The following CAST variants were observed in gnomAD, a reference collection of about 807,000 sequenced individuals.
CAST encodes the protein MIR583 host.
In CAST, 76 loss-of-function variants were observed where a neutral mutation model predicts 119.6. The observed-to-expected ratio is 0.64, with a 90% confidence interval of 0.53 to 0.77. The LOEUF is 0.77. Among genes scored for constraint, CAST ranks in the 30% least tolerant of loss-of-function variants. The probability of loss-of-function intolerance (pLI) is 0.00; values close to 1 mark genes in which losing one functional copy is unlikely to be tolerated. For missense variants in CAST, 953 were observed against 946.5 expected (o/e 1.01, Z -0.09); for synonymous variants, 319 against 331.6 (o/e 0.96, Z 0.41).
At chr5:96,147,109 GGAAA>G in the CAST span, among the ~76,000 whole-genome samples, 6 of 152,228 alleles carry the variant, frequency 3.9e-5, no homozygotes, top group South Asian at 1.2e-3. Context: ...AGCTGGAAGT[GGAAA>G]GAGTTTCATG....
At chr5:96,285,063 AAT>A in the CAST span, among the ~76,000 whole-genome samples, 2 of 152,236 alleles carry the variant, frequency 1.3e-5, no homozygotes, top group Admixed American at 6.5e-5. Context: ...GAGAGTAAGA[AAT>A]ACTTTTCTTT....
the CAST span, among the ~76,000 whole-genome samples, chr5:96,309,125 G>A: frequency 6.6e-6 from 1 of 152,230 alleles, no homozygotes; most frequent in South Asian, 2.1e-4. Context: ...CCTGACTGGG[G>A]CTGCTGCCTT....
At chr5:96,202,547 C>CA in the CAST span, among the ~76,000 whole-genome samples, 1 of 151,574 alleles carries the variant, frequency 6.6e-6, no homozygotes, top group Non-Finnish European at 1.5e-5. Context: ...TGTTATAAGA[C>CA]AAAAAAACAA....
chr5:96,065,064 T>C, the CAST span, among the ~76,000 whole-genome samples: 1 of 152,162 alleles, frequency 6.6e-6, no homozygotes, highest in Non-Finnish European at 1.5e-5. Context: ...TTGTTATTCC[T>C]GTTACCAATA....
chr5:96,695,438 T>C (rs1753169450), intron 2 of CAST, among the ~76,000 whole-genome samples: 1 of 152,214 alleles, frequency 6.6e-6, no homozygotes, highest in Non-Finnish European at 1.5e-5. Context: ...TCTTCTCTTA[T>C]TTCCCTAAGA....
At chr5:96,651,356 T>C (rs1268901980) in intron 1 of CAST, among the ~76,000 whole-genome samples, 1 of 152,216 alleles carries the variant, frequency 6.6e-6, no homozygotes, top group Admixed American at 6.5e-5. Context: ...GAAGTATGTG[T>C]ATGTGTGTGT....
chr5:96,613,070 G>A (rs1334934313), intron 1 of CAST, among the ~76,000 whole-genome samples: 1 of 152,126 alleles, frequency 6.6e-6, no homozygotes, highest in Non-Finnish European at 1.5e-5. Flanking sequence ...ATCCATCACT[G>A]TGCCAATAGC....
the CAST span, among the ~76,000 whole-genome samples, chr5:96,333,969 T>C: frequency 6.6e-6 from 1 of 152,226 alleles, no homozygotes; most frequent in Non-Finnish European, 1.5e-5. Context: ...TCCAAGACTC[T>C]ATATTTTAAA....
At chr5:96,542,310 A>AAAAAAAAAG (rs1554066747) in intron 1 of CAST, among the ~76,000 whole-genome samples, 1 of 33,778 alleles carries the variant, frequency 3.0e-5, no homozygotes, top group Non-Finnish European at 5.3e-5. Context: ...CTTAGTCTCA[A>AAAAAAAAAG]AAAAAAAAAA....
the CAST span, among the ~76,000 whole-genome samples, chr5:96,418,881 T>C: frequency 1.3e-5 from 2 of 152,186 alleles, no homozygotes; most frequent in Non-Finnish European, 2.9e-5. Context: ...TTGTCTCTGC[T>C]GCTCCCATCG....
chr5:96,773,380 A>G lies in CAST; in HGVS notation c.*764A>G, dbSNP rs530478585. ...AGTCCTTGTGTAGCAAATTTCGAGC[A>G]TAAGAAATAAAATCTAATTAATTCT... On this transcript the variant is annotated 3_prime_UTR_variant, in exon 32 of 32. Transcript: ENST00000675179. The G allele has an allele frequency of 6.5e-6, 1 of 153,228 alleles. No homozygotes were observed. The highest frequency in any genetic ancestry group is 2.1e-4 in the South Asian group (1 of 4,828). 9.5% of individuals were successfully genotyped at this position (153,228 alleles called of 1,614,324 possible).
At chr5:96,346,298 C>T in the CAST span, among the ~76,000 whole-genome samples, 2 of 152,128 alleles carry the variant, frequency 1.3e-5, no homozygotes, top group Non-Finnish European at 2.9e-5. Flanking sequence ...ATCGTGACTG[C>T]TGTTTCGGAC....
chr5:96,198,094 TC>T, the CAST span, among the ~76,000 whole-genome samples: 1 of 152,270 alleles, frequency 6.6e-6, no homozygotes, highest in African/African-American at 2.4e-5. Flanking sequence ...TTTTCCCTTC[TC>T]TAGGCGATGC....
chr5:96,596,268 A>C (rs1340303962), intron 1 of CAST, among the ~76,000 whole-genome samples: 4 of 152,164 alleles, frequency 2.6e-5, no homozygotes, highest in African/African-American at 9.7e-5. Flanking sequence ...CCAGAGGAGA[A>C]GACTGACTCC....
At chr5:96,036,131 T>C in the CAST span, among the ~76,000 whole-genome samples, 2 of 144,966 alleles carry the variant, frequency 1.4e-5, no homozygotes, top group Non-Finnish European at 3.0e-5. Flanking sequence ...TTTACCTTTG[T>C]AAAAAGGGGA....
At chr5:96,668,123 G>T (rs374607025) in intron 1 of CAST, among the ~76,000 whole-genome samples, 1 of 150,862 alleles carries the variant, frequency 6.6e-6, no homozygotes, top group African/African-American at 2.5e-5. Flanking sequence ...TCTGTTAACC[G>T]TCACAGCTAC....
chr5:96,237,967 ATAT>A, the CAST span, among the ~76,000 whole-genome samples: 7 of 152,120 alleles, frequency 4.6e-5, no homozygotes, highest in South Asian at 6.2e-4. Context: ...TGTTTAGTTA[ATAT>A]TATTATTTGT....
In CAST at chr5:96,653,718, G is replaced by A. The variant is rs962992014; in HGVS notation, c.61-21821G>A. Among the ~76,000 whole-genome samples, 3 of 151,932 alleles carry A rather than the reference G, an allele frequency of 2.0e-5. No individual in the cohort carries two copies. The South Asian group carries it at 6.2e-4, about 32-fold the overall frequency. On this transcript the variant is annotated intron_variant, in intron 1 of 11. Transcript: ENST00000505143. ...TATCTTAACCCAATATTTAGAAGAC[G>A]AAGGAATATTTCATTTTGGCTTCTT...
At chr5:96,349,051 A>G in the CAST span, among the ~76,000 whole-genome samples, 2 of 151,880 alleles carry the variant, frequency 1.3e-5, no homozygotes, top group Admixed American at 1.3e-4. Flanking sequence ...AGGAGAAAAC[A>G]TAGAACATTA....
Sources: allele counts gnomAD v4.1 joint callset (sites outside exome capture counted in the v4.1 genomes callset), GRCh38; gene constraint gnomAD v4.1.1; transcripts MANE v1.5; gene names NCBI Gene and HGNC (gene_info 2026-07-23, HGNC 2026-07-21).